The following ANO6 variants were observed in gnomAD, a reference collection of about 807,000 sequenced individuals.
The protein encoded by ANO6 is anoctamin 6.
In ANO6, 106 loss-of-function variants were observed where a neutral mutation model predicts 117.5. The observed-to-expected ratio is 0.90, with a 90% CI of 0.77 to 1.06. ANO6 has a LOEUF of 1.06. ANO6 is among the 50% of genes least tolerant of loss of function. ANO6 has a pLI of 0.00. For missense variants in ANO6, 955 were observed against 1,121.1 expected, an observed-to-expected ratio of 0.85 and a Z score of 2.12; for synonymous variants, 367 against 385.1, an observed-to-expected ratio of 0.95 and a Z score of 0.55.
At chr12:45,233,717 A>G (rs1947607355) in intron 1 of ANO6, among the ~76,000 whole-genome samples, 1 of 152,190 alleles carries the variant, frequency 6.6e-6, no homozygotes, top group African/African-American at 2.4e-5. Flanking sequence ...TTGTATAGCC[A>G]CCACCCAAAA....
intron 3 of ANO6, among the ~76,000 whole-genome samples, chr12:45,336,434 T>G (rs539058292): frequency 2.6e-5 from 4 of 152,230 alleles, no homozygotes; most frequent in Non-Finnish European, 5.9e-5. Context: ...ATTATTTATG[T>G]ATGGTCATAA....
In ANO6 at chr12:45,285,074, T is replaced by C. The variant is rs144029681; in HGVS notation, c.71-16940T>C. 6.3e-3 allele frequency among the ~76,000 whole-genome samples: 963 copies of C among 152,364 alleles called. 7 individuals are homozygous for C. The highest frequency in any genetic ancestry group is 0.021 in the African/African-American group (887 of 41,594). ...TAAGATCTCAACTAAAGAACTAAAT[T>C]GTGATATTTTCTGGAGTAAAAATAC... On this transcript the variant is annotated intron_variant, in intron 1 of 19. Transcript: ENST00000320560.
intron 9 of ANO6, among the ~76,000 whole-genome samples, chr12:45,377,772 G>A (rs181646850): frequency 6.6e-6 from 1 of 152,270 alleles, no homozygotes; most frequent in East Asian, 1.9e-4. Context: ...TAAACACAGT[G>A]GAATTCTAGG....
chr12:45,221,063 G>T (rs919993755), intron 1 of ANO6, among the ~76,000 whole-genome samples: 1 of 151,862 alleles, frequency 6.6e-6, no homozygotes, highest in South Asian at 2.1e-4. Flanking sequence ...CGGAAGTGGG[G>T]GGGGGCAGCC....
Position 45,319,099 on chromosome 12 carries a change from T to C in ANO6, c.151-12196T>C, listed in dbSNP as rs1231109148. ...GACTTCCTGTTTTCCTAATTGAATG[T>C]CCTTTATTTCTTTCTCCTGCCTGAT... On this transcript the variant is annotated intron_variant, in intron 2 of 19. Transcript: ENST00000320560. Among the ~76,000 whole-genome samples, 7 of 152,100 alleles carry C rather than the reference T, an allele frequency of 4.6e-5. No homozygotes were observed. The South Asian group carries it at 6.2e-4, about 14-fold the overall frequency.
At chr12:45,246,465 G>A (rs1947826844) in intron 1 of ANO6, among the ~76,000 whole-genome samples, 3 of 152,182 alleles carry the variant, frequency 2.0e-5, no homozygotes, top group Admixed American at 6.5e-5. Context: ...AAAGAGCAAT[G>A]GAGCTGAAGT....
chr12:45,348,956 G>T (rs1194148069), intron 6 of ANO6, among the ~76,000 whole-genome samples: 4 of 152,246 alleles, frequency 2.6e-5, no homozygotes, highest in Admixed American at 2.6e-4. Flanking sequence ...TTTCTAGCTG[G>T]ATGACCTTGT....
chr12:45,436,061 C>T (rs1224096501), downstream of ANO6, among the ~76,000 whole-genome samples: 1 of 152,148 alleles, frequency 6.6e-6, no homozygotes, highest in Non-Finnish European at 1.5e-5. Context: ...TAGTGACAAA[C>T]CAGGAACCTA....
At chr12:45,315,258 C>T (rs1939986409) in intron 2 of ANO6, among the ~76,000 whole-genome samples, 1 of 152,022 alleles carries the variant, frequency 6.6e-6, no homozygotes, top group Non-Finnish European at 1.5e-5. Flanking sequence ...ATTTCAATAG[C>T]CATGTGTGGC....
At chr12:45,330,443 C>T (rs375907983) in intron 2 of ANO6, among the ~76,000 whole-genome samples, 17 of 152,018 alleles carry the variant, frequency 1.1e-4, no homozygotes, top group Admixed American at 4.6e-4. Flanking sequence ...TTCAGTATCA[C>T]GTAGTTAAAA....
At chr12:45,411,990 T>G (rs1337707892) in intron 16 of ANO6, among the ~76,000 whole-genome samples, 1 of 152,188 alleles carries the variant, frequency 6.6e-6, no homozygotes, top group African/African-American at 2.4e-5. Flanking sequence ...TATAAAACTG[T>G]TAGTTGATTT....
chr12:45,353,100 C>T (rs1469272529), intron 7 of ANO6, among the ~76,000 whole-genome samples: 1 of 145,376 alleles, frequency 6.9e-6, no homozygotes, highest in African/African-American at 2.8e-5. Context: ...TACAAGAATA[C>T]GTGATACGTG....
At chr12:45,358,651 A>T (rs1248898457) in intron 8 of ANO6, among the ~76,000 whole-genome samples, 1 of 152,218 alleles carries the variant, frequency 6.6e-6, no homozygotes, top group Non-Finnish European at 1.5e-5. Context: ...TCTTGGGGAT[A>T]TACTGCCTGT....
intron 13 of ANO6, 146 bp downstream of exon 13, chr12:45,402,166 A>T (rs1942808769): frequency 4.4e-6 from 3 of 676,922 alleles, no homozygotes; most frequent in African/African-American, 3.6e-5. Context: ...TCTAGCATGT[A>T]TGGAAATAAA....
intron 8 of ANO6, among the ~76,000 whole-genome samples, chr12:45,361,358 G>T (rs905937573): frequency 3.3e-5 from 5 of 152,100 alleles, no homozygotes; most frequent in African/African-American, 1.2e-4. Flanking sequence ...GTATAGAAAT[G>T]TAATTGCTTT....
intron 1 of ANO6, chr12:45,256,751 A>G (rs1326549004): frequency 1.3e-5 from 2 of 152,182 alleles, no homozygotes; most frequent in African/African-American, 2.4e-5. Context: ...AGATTGTTCT[A>G]TTATCATCCT....
chr12:45,403,302 A>G lies in ANO6; in HGVS notation c.1782+61A>G, dbSNP rs527433256. On this transcript the variant is annotated intron_variant, in intron 14 of 19. Transcript: ENST00000320560. ...AGCTGAGTTTTCTCTCAGTTGCCCA[A>G]ATGAATAGTTTTTTATTGTAAATTC... The G allele has an allele frequency of 9.3e-5, 146 of 1,574,934 alleles. No homozygotes were observed. The South Asian group carries it at 1.6e-3, about 17-fold the overall frequency.
At chr12:45,325,043 A>G (rs554736889) in intron 2 of ANO6, among the ~76,000 whole-genome samples, 1 of 144,802 alleles carries the variant, frequency 6.9e-6, no homozygotes, top group East Asian at 1.9e-4. Context: ...GTTGAAGTAT[A>G]TAATTAAGAA....
At chr12:45,411,349 G>C (rs1374961241) in intron 16 of ANO6, among the ~76,000 whole-genome samples, 1 of 152,112 alleles carries the variant, frequency 6.6e-6, no homozygotes, top group Non-Finnish European at 1.5e-5. Flanking sequence ...AGATTTTTAG[G>C]TTTATTAGGT....
Sources: allele counts gnomAD v4.1 joint callset (sites outside exome capture counted in the v4.1 genomes callset), GRCh38; gene constraint gnomAD v4.1.1; transcripts MANE v1.5; gene names NCBI Gene and HGNC (gene_info 2026-07-23, HGNC 2026-07-21).